The following HMGCLL1 variants were observed in gnomAD, a reference collection of about 807,000 sequenced individuals.
HMGCLL1 encodes 3-hydroxy-3-methylglutaryl-CoA lyase like 1, also known as 3-hydroxymethyl-3-methylglutaryl-CoA lyase, cytoplasmic.
A neutral mutation model predicts 39.1 loss-of-function variants in HMGCLL1; 36 were observed. The observed-to-expected ratio is 0.92, with a 90% CI of 0.71 to 1.22. HMGCLL1 has a LOEUF of 1.22. Ranked by LOEUF, HMGCLL1 falls within the 50% of genes most tolerant of loss-of-function variation. The pLI is 0.00. For missense variants in HMGCLL1, 451 were observed against 416.5 expected (o/e 1.08, Z -0.72); for synonymous variants, 149 against 144.0 (o/e 1.03, Z -0.25).
At chr6:55,547,698 G>C (rs1239748330) in intron 1 of HMGCLL1, among the ~76,000 whole-genome samples, 1 of 151,834 alleles carries the variant, frequency 6.6e-6, no homozygotes, top group African/African-American at 2.4e-5. Flanking sequence ...AATTAAATTA[G>C]GCTTTTTAAG....
intron 3 of HMGCLL1, among the ~76,000 whole-genome samples, chr6:55,525,281 G>A (rs1350572127): frequency 6.6e-6 from 1 of 151,854 alleles, no homozygotes; most frequent in Admixed American, 6.6e-5. Context: ...AAATGTTTAG[G>A]CTCTAAAACA....
chr6:55,630,180 T>C, the HMGCLL1 span, among the ~76,000 whole-genome samples: 1 of 152,096 alleles, frequency 6.6e-6, no homozygotes, highest in Non-Finnish European at 1.5e-5. Context: ...TGGAGCTGCC[T>C]AAGGCTGTGG....
the HMGCLL1 span, among the ~76,000 whole-genome samples, chr6:55,603,440 T>C: frequency 2.3e-5 from 3 of 129,942 alleles, no homozygotes; most frequent in African/African-American, 8.4e-5. Flanking sequence ...TACACACAAA[T>C]ATCTATTCAT....
intron 1 of HMGCLL1, among the ~76,000 whole-genome samples, chr6:55,544,988 TA>T (rs1769878241): frequency 6.6e-6 from 1 of 151,882 alleles, no homozygotes; most frequent in Admixed American, 6.6e-5. Flanking sequence ...GAACAATAAA[TA>T]AAATATATGA....
chr6:55,621,016 G>T, the HMGCLL1 span, among the ~76,000 whole-genome samples: 1 of 151,978 alleles, frequency 6.6e-6, no homozygotes, highest in Non-Finnish European at 1.5e-5. Context: ...TGCTGTTTTG[G>T]TTACTAGAAC....
intron 5 of HMGCLL1, among the ~76,000 whole-genome samples, chr6:55,501,801 T>G (rs924358755): frequency 1.3e-5 from 2 of 151,876 alleles, no homozygotes; most frequent in Non-Finnish European, 2.9e-5. Flanking sequence ...CTATTAGCAA[T>G]ACTGCATCAC....
the HMGCLL1 span, among the ~76,000 whole-genome samples, chr6:55,603,366 T>C: frequency 6.6e-6 from 1 of 152,112 alleles, no homozygotes; most frequent in Admixed American, 6.6e-5. Flanking sequence ...AATTTAAGTA[T>C]TATCTCTAGT....
intron 1 of HMGCLL1, among the ~76,000 whole-genome samples, chr6:55,545,625 A>G (rs867381706): frequency 3.3e-5 from 5 of 152,258 alleles, no homozygotes; most frequent in Middle Eastern, 6.8e-3. Flanking sequence ...AATTATATAT[A>G]AGTGTAAGAT....
the HMGCLL1 span, among the ~76,000 whole-genome samples, chr6:55,625,526 AT>A: frequency 6.6e-6 from 1 of 152,090 alleles, no homozygotes; most frequent in Non-Finnish European, 1.5e-5. Flanking sequence ...GTTCTGCACA[AT>A]ATTCAGGCAC....
the HMGCLL1 span, among the ~76,000 whole-genome samples, chr6:55,650,134 T>TAC: frequency 1.6e-3 from 86 of 53,298 alleles, no homozygotes; most frequent in South Asian, 3.6e-3. Flanking sequence ...TATATATATA[T>TAC]ACACACACAC....
At chr6:55,650,108 T>TACACACATATAC in the HMGCLL1 span, among the ~76,000 whole-genome samples, 24 of 75,766 alleles carry the variant, frequency 3.2e-4, 1 homozygote, top group African/African-American at 1.1e-3. Flanking sequence ...TATATATATA[T>TACACACATATAC]ATATATATAT....
At chr6:55,623,594 C>A in the HMGCLL1 span, among the ~76,000 whole-genome samples, 1 of 151,074 alleles carries the variant, frequency 6.6e-6, no homozygotes, top group Non-Finnish European at 1.5e-5. Flanking sequence ...CCCAGATATA[C>A]AGAGCAAATA....
At chr6:55,566,683 A>G (rs1771234813) in intron 1 of HMGCLL1, 2 of 454,428 alleles carry the variant, frequency 4.4e-6, no homozygotes, top group Non-Finnish European at 8.8e-6. Flanking sequence ...AATTAACTTA[A>G]TAGAAACACA....
At chr6:55,541,548 C>T (rs565496570) in intron 3 of HMGCLL1, among the ~76,000 whole-genome samples, 181 bp downstream of exon 3, 3 of 152,296 alleles carry the variant, frequency 2.0e-5, no homozygotes, top group South Asian at 2.1e-4. Context: ...GTATAAAGTT[C>T]TAAGTAACTT....
the HMGCLL1 span, among the ~76,000 whole-genome samples, chr6:55,623,926 C>A: frequency 1.3e-5 from 2 of 152,006 alleles, no homozygotes; most frequent in African/African-American, 4.8e-5. Flanking sequence ...CAGGGACCGA[C>A]TGTAAGTCAG....
chr6:55,577,668 A>G (rs1340359507), intron 1 of HMGCLL1, among the ~76,000 whole-genome samples: 1 of 152,228 alleles, frequency 6.6e-6, no homozygotes, highest in Non-Finnish European at 1.5e-5. Context: ...TATTCACTCA[A>G]AAAGAAAAAT....
intron 1 of HMGCLL1, among the ~76,000 whole-genome samples, chr6:55,561,793 A>G (rs1490344569): frequency 1.3e-5 from 2 of 152,128 alleles, no homozygotes; most frequent in African/African-American, 4.8e-5. Context: ...AGCATTTTCT[A>G]ATTTCTTCTT....
chr6:55,566,855 C>T (rs781473415), intron 1 of HMGCLL1, among the ~76,000 whole-genome samples: 9 of 152,058 alleles, frequency 5.9e-5, no homozygotes, highest in Non-Finnish European at 1.3e-4. Context: ...AGAACTAAAG[C>T]TACTAATTTT....
chr6:55,614,538 A>G, the HMGCLL1 span, among the ~76,000 whole-genome samples: 3 of 152,134 alleles, frequency 2.0e-5, no homozygotes, highest in Admixed American at 2.0e-4. Flanking sequence ...GAAATTATAT[A>G]TTTTCATAGT....
Sources: allele counts gnomAD v4.1 joint callset (sites outside exome capture counted in the v4.1 genomes callset), GRCh38; gene constraint gnomAD v4.1.1; transcripts MANE v1.5; gene names NCBI Gene and HGNC (gene_info 2026-07-23, HGNC 2026-07-21).